The following DOCK3 variants were observed in gnomAD, a reference collection of about 807,000 sequenced individuals.
DOCK3 encodes the protein dedicator of cytokinesis protein 3.
DOCK3 carries 60 observed loss-of-function variants against 265.6 expected under a neutral mutation model. The observed-to-expected ratio is 0.23, with a 90% CI of 0.18 to 0.28. The LOEUF (loss-of-function observed/expected upper bound fraction) is 0.28, where lower values mean the gene tolerates loss of function less well. Ranked by LOEUF, DOCK3 falls within the 10% of genes least tolerant of loss-of-function variation. The pLI, the probability that DOCK3 is intolerant of heterozygous loss-of-function variation, is 1.00. For missense variants in DOCK3, 1,981 were observed against 2,594.3 expected, an observed-to-expected ratio of 0.76 and a Z score of 5.14; for synonymous variants, 881 against 938.0, an observed-to-expected ratio of 0.94 and a Z score of 1.11.
intron 12 of DOCK3, among the ~76,000 whole-genome samples, chr3:51,161,376 G>A (rs1437373439): frequency 2.4e-4 from 36 of 150,618 alleles, no homozygotes; most frequent in Non-Finnish European, 7.4e-5. Flanking sequence ...CCTGGGAGGC[G>A]GAGCTTGCAG....
chr3:51,249,936 A>G (rs2079107029), intron 22 of DOCK3, among the ~76,000 whole-genome samples: 1 of 151,298 alleles, frequency 6.6e-6, no homozygotes, highest in Admixed American at 6.6e-5. Context: ...ACTAAGAAAA[A>G]TTCTTCTGCC....
chr3:50,826,237 T>C (rs907103617), intron 2 of DOCK3, among the ~76,000 whole-genome samples: 1 of 152,190 alleles, frequency 6.6e-6, no homozygotes, highest in African/African-American at 2.4e-5. Flanking sequence ...GTTCTGTAGT[T>C]GCTACCTCTG....
At chr3:51,126,032 G>A (rs989188355) in intron 9 of DOCK3, among the ~76,000 whole-genome samples, 3 of 152,256 alleles carry the variant, frequency 2.0e-5, no homozygotes, top group Non-Finnish European at 4.4e-5. Flanking sequence ...ACACTATATC[G>A]TGTTATCGGT....
chr3:51,220,057 C>G (rs1276132374), intron 14 of DOCK3, among the ~76,000 whole-genome samples: 1 of 152,140 alleles, frequency 6.6e-6, no homozygotes, highest in African/African-American at 2.4e-5. Context: ...TTCCTGGGTA[C>G]TCTAAAGAAG....
intron 2 of DOCK3, among the ~76,000 whole-genome samples, chr3:50,826,575 A>G (rs958163228): frequency 1.3e-5 from 2 of 152,178 alleles, no homozygotes; most frequent in African/African-American, 2.4e-5. Context: ...ACATTTCACT[A>G]TCTCCCATTC....
At chr3:50,812,274 G>T (rs921337569) in intron 2 of DOCK3, among the ~76,000 whole-genome samples, 1 of 152,184 alleles carries the variant, frequency 6.6e-6, no homozygotes, top group Non-Finnish European at 1.5e-5. Context: ...CCTCCAACGT[G>T]CAAGTCCACT....
In DOCK3 at chr3:51,225,746, G is replaced by A; in HGVS notation, c.1350G>A (p.Val450=). The A allele has an allele frequency of 6.2e-7, 1 of 1,612,960 alleles. No homozygotes were observed. Among genetic ancestry groups the A allele is most frequent in the Non-Finnish European group, 8.5e-7 (1 of 1,179,468 alleles). The change falls in exon 15 of 53, where the codon GTG becomes GTA. Residue 450 remains valine, a synonymous_variant. Coordinates refer to ENST00000266037, the MANE Select transcript of DOCK3 (RefSeq NM_004947.5). The part of the protein sequence containing the change: ...VQKNIEVTMY[V]LYADGEILKD... ...AGAATATTGAAGTGACCATGTATGTGCTTTATGCAGATGGAGAAATCTTGA... is the reference window on the plus strand; with the variant it reads ...AGAATATTGAAGTGACCATGTATGTACTTTATGCAGATGGAGAAATCTTGA...
intron 3 of DOCK3, among the ~76,000 whole-genome samples, chr3:50,856,851 GT>G (rs779021048): frequency 1.3e-5 from 2 of 152,114 alleles, no homozygotes; most frequent in Non-Finnish European, 2.9e-5. Flanking sequence ...TTTGAGGTGT[GT>G]TCCTGTGATG....
At chr3:51,035,531 G>T (rs2080232579) in intron 5 of DOCK3, among the ~76,000 whole-genome samples, 2 of 152,068 alleles carry the variant, frequency 1.3e-5, no homozygotes, top group Non-Finnish European at 2.9e-5. Context: ...TAAAGTATTT[G>T]TCTGATAATT....
intron 1 of DOCK3, among the ~76,000 whole-genome samples, chr3:50,684,961 A>G (rs2034677244): frequency 1.3e-5 from 2 of 152,208 alleles, no homozygotes; most frequent in Admixed American, 1.3e-4. Flanking sequence ...AAGAACATAA[A>G]GGTGATGTCT....
chr3:50,772,507 G>C (rs1012412259), intron 1 of DOCK3, among the ~76,000 whole-genome samples: 5 of 152,152 alleles, frequency 3.3e-5, no homozygotes, highest in African/African-American at 1.2e-4. Context: ...CATTCTTCAT[G>C]ATGCACTTAT....
intron 4 of DOCK3, among the ~76,000 whole-genome samples, chr3:50,892,197 T>C (rs937899796): frequency 7.9e-5 from 12 of 152,218 alleles, no homozygotes; most frequent in African/African-American, 2.9e-4. Flanking sequence ...GAGAGCTTCA[T>C]GTTTACTTTG....
At chr3:50,680,205 CTTTTTCTTTCTTTTTTTTTTTT>C (rs2034288310) in intron 1 of DOCK3, among the ~76,000 whole-genome samples, 1 of 146,310 alleles carries the variant, frequency 6.8e-6, no homozygotes, top group African/African-American at 2.5e-5. Context: ...CTATTTTTTT[CTTTTTCTTTCTTTTTTTTTTTT>C]TTTAGACAGA....
intron 28 of DOCK3, 128 bp from the exon 29 acceptor site, chr3:51,311,876 G>T: frequency 1.6e-6 from 1 of 611,126 alleles, no homozygotes; most frequent in Non-Finnish European, 2.8e-6. Flanking sequence ...TTCCTTTATA[G>T]TCACATCTTA....
intron 5 of DOCK3, among the ~76,000 whole-genome samples, chr3:50,981,198 T>C (rs926175928): frequency 9.9e-5 from 15 of 152,238 alleles, no homozygotes; most frequent in African/African-American, 3.6e-4. Flanking sequence ...ATTTCTTTAT[T>C]GACCCAGTGG....
intron 5 of DOCK3, among the ~76,000 whole-genome samples, chr3:51,031,633 A>G (rs934386991): frequency 3.3e-5 from 5 of 152,228 alleles, no homozygotes; most frequent in Non-Finnish European, 5.9e-5. Flanking sequence ...GCAGTATTCA[A>G]AATAATGCCT....
chr3:51,133,223 G>A (rs1173686465), intron 9 of DOCK3, among the ~76,000 whole-genome samples: 1 of 152,018 alleles, frequency 6.6e-6, no homozygotes, highest in African/African-American at 2.4e-5. Context: ...GTGCAGGTTT[G>A]TTACATATGT....
chr3:51,122,936 A>G (rs2084097207), intron 9 of DOCK3, among the ~76,000 whole-genome samples: 1 of 152,254 alleles, frequency 6.6e-6, no homozygotes, highest in Admixed American at 6.5e-5. Flanking sequence ...ATCCTGCTTC[A>G]GAGGATACAT....
chr3:51,266,358 C>G (rs1468975360), intron 23 of DOCK3, among the ~76,000 whole-genome samples: 1 of 152,158 alleles, frequency 6.6e-6, no homozygotes, highest in Non-Finnish European at 1.5e-5. Context: ...CAAAAAAGAG[C>G]CCGCATTGCC....
Sources: gnomAD v4.1 joint callset for allele counts (sites outside exome capture counted in the v4.1 genomes callset) on GRCh38, gnomAD v4.1.1 for gene constraint, MANE v1.5 for transcripts, NCBI Gene and HGNC (gene_info 2026-07-23, HGNC 2026-07-21) for gene names.